Variants in SLC24A4 observed in about 807,000 individuals in gnomAD.
SLC24A4 encodes the protein solute carrier family 24 member 4.
In SLC24A4, 53 loss-of-function variants were observed where a neutral mutation model predicts 79.0. The ratio of observed to expected loss-of-function variants is 0.67; its 90% confidence interval spans 0.54 to 0.84. The LOEUF (loss-of-function observed/expected upper bound fraction) is 0.84, where lower values mean the gene tolerates loss of function less well. SLC24A4 is among the 40% of genes least tolerant of loss of function. SLC24A4 has a pLI of 0.00. For missense variants in SLC24A4, 731 were observed against 822.0 expected (o/e 0.89, Z 1.35); for synonymous variants, 323 against 323.8 (o/e 1.00, Z 0.03).
chr14:92,375,142 C>T (rs1888429412), intron 2 of SLC24A4, among the ~76,000 whole-genome samples: 1 of 152,234 alleles, frequency 6.6e-6, no homozygotes, highest in Non-Finnish European at 1.5e-5. Flanking sequence ...ATTGAGCCTG[C>T]TAGGATGAAG....
At position 92,499,450 on chromosome 14, in the gene SLC24A4, A is replaced by C. The variant is rs1896061208; in HGVS notation, c.*5822A>C. The C allele has an allele frequency of 6.6e-6, 1 of 152,030 alleles. No homozygotes were observed. Among genetic ancestry groups the C allele is most frequent in the Non-Finnish European group, 1.5e-5 (1 of 68,030 alleles). The allele number at this position is 152,030 out of a possible 1,614,324, so 9.4% of individuals were successfully genotyped here. A position where few individuals can be genotyped will look rare whatever the true frequency, so the allele number is the denominator to read the frequency against. Reference sequence around the variant, plus strand: ...CAGGTCTGGGAATTGGCTGCTTCTTAGTTATAACCCCAGTGACAAATGCTG... The same window carrying C: ...CAGGTCTGGGAATTGGCTGCTTCTTCGTTATAACCCCAGTGACAAATGCTG... On this transcript the variant is annotated 3_prime_UTR_variant, in exon 17 of 17. Coordinates refer to ENST00000532405, the MANE Select transcript of SLC24A4 (RefSeq NM_153646.4).
At chr14:92,393,404 T>A (rs2141742313) in intron 2 of SLC24A4, among the ~76,000 whole-genome samples, 1 of 152,292 alleles carries the variant, frequency 6.6e-6, no homozygotes. Flanking sequence ...TTCATTGTCC[T>A]TAGCGTGGTT....
At chr14:92,418,131 C>G (rs540109403) in intron 2 of SLC24A4, among the ~76,000 whole-genome samples, 2 of 152,318 alleles carry the variant, frequency 1.3e-5, no homozygotes, top group Admixed American at 1.3e-4. Flanking sequence ...GACTTCTTGC[C>G]TTGAGGCTAC....
Position 92,500,701 on chromosome 14 carries a change from G to C in SLC24A4, c.*7073G>C, listed in dbSNP as rs147620372. 1 of 152,492 alleles carries C rather than the reference G, an allele frequency of 6.6e-6. No individual in the cohort carries two copies. Among genetic ancestry groups the C allele is most frequent in the African/African-American group, 2.4e-5 (1 of 41,588 alleles). The allele number at this position is 152,492 out of a possible 1,614,324, so 9.4% of individuals were successfully genotyped here. On this transcript the variant is annotated 3_prime_UTR_variant, in exon 17 of 17. Transcript: ENST00000532405. ...AGCCACTGTGGCCAACTCTTGGGGA[G>C]CTCCACAGTGGGGGTTGCTGGTCTG... is the stretch of plus-strand genomic sequence containing the variant.
chr14:92,418,810 T>C, intron 2 of SLC24A4, among the ~76,000 whole-genome samples: 1 of 152,208 alleles, frequency 6.6e-6, no homozygotes, highest in East Asian at 1.9e-4. Flanking sequence ...CAAGTGATTC[T>C]CATGCATCAG....
chr14:92,492,269 C>G, intron 16 of SLC24A4, 29 bp downstream of exon 16: 1 of 1,596,550 alleles, frequency 6.3e-7, no homozygotes, highest in Non-Finnish European at 8.6e-7. Flanking sequence ...AAAACAGATG[C>G]CTCATGCATA....
At chr14:92,483,686 A>G (rs1327090842) in intron 13 of SLC24A4, 31 of 1,262,106 alleles carry the variant, frequency 2.5e-5, no homozygotes, top group Non-Finnish European at 2.9e-5. Context: ...CACTCTCTGT[A>G]TACCACCTAA....
chr14:92,473,434 T>A (rs771426885), intron 12 of SLC24A4, among the ~76,000 whole-genome samples: 4 of 152,202 alleles, frequency 2.6e-5, no homozygotes, highest in African/African-American at 2.4e-5. Context: ...GATTGCATGA[T>A]GAGCTCAGAA....
At chr14:92,433,836 A>AC in intron 2 of SLC24A4, 76 bp from the exon 3 acceptor site, 1 of 1,263,938 alleles carries the variant, frequency 7.9e-7, no homozygotes, top group Non-Finnish European at 1.2e-6. Context: ...TCCTTAGTGA[A>AC]CTCTCAGAAG....
chr14:92,466,323 C>T (rs540404925), intron 12 of SLC24A4, among the ~76,000 whole-genome samples: 1 of 152,330 alleles, frequency 6.6e-6, no homozygotes, highest in Non-Finnish European at 1.5e-5. Context: ...TTTGTTGGCT[C>T]ATTTTCAGTC....
At chr14:92,468,320 TA>T (rs1303645771) in intron 12 of SLC24A4, among the ~76,000 whole-genome samples, 1 of 152,202 alleles carries the variant, frequency 6.6e-6, no homozygotes, top group Admixed American at 6.5e-5. Context: ...CTTAACGTTT[TA>T]AAAATGATAA....
intron 14 of SLC24A4, 65 bp from the exon 15 acceptor site, chr14:92,491,600 G>A: frequency 9.1e-7 from 1 of 1,093,834 alleles, no homozygotes; most frequent in Non-Finnish European, 1.4e-6. Flanking sequence ...AGAACAGTTA[G>A]GAGAAAGAAT....
At chr14:92,412,114 A>G (rs988856055) in intron 2 of SLC24A4, among the ~76,000 whole-genome samples, 7 of 152,130 alleles carry the variant, frequency 4.6e-5, no homozygotes, top group Non-Finnish European at 8.8e-5. Context: ...TGAGATGTAC[A>G]AGCCTGCACT....
At chr14:92,417,428 G>A (rs185274274) in intron 2 of SLC24A4, among the ~76,000 whole-genome samples, 468 of 152,266 alleles carry the variant, frequency 3.1e-3, no homozygotes, top group African/African-American at 0.011. Context: ...TAAACTAAGT[G>A]CTATTAAAAG....
At chr14:92,399,590 G>C (rs1470162328) in intron 2 of SLC24A4, among the ~76,000 whole-genome samples, 1 of 152,154 alleles carries the variant, frequency 6.6e-6, no homozygotes, top group East Asian at 1.9e-4. Context: ...ATTGCTTTCT[G>C]GTTATGGCTG....
At chr14:92,337,166 G>C (rs1885860262) in intron 2 of SLC24A4, among the ~76,000 whole-genome samples, 1 of 152,108 alleles carries the variant, frequency 6.6e-6, no homozygotes, top group South Asian at 2.1e-4. Context: ...CTGGCCCAGG[G>C]GGAAGTTGGC....
intron 2 of SLC24A4, among the ~76,000 whole-genome samples, chr14:92,380,706 G>C (rs1305319910): frequency 6.6e-6 from 1 of 152,168 alleles, no homozygotes; most frequent in Non-Finnish European, 1.5e-5. Flanking sequence ...GGGCCAGCCA[G>C]CACCAGGACT....
chr14:92,356,425 G>A (rs1887185411), intron 2 of SLC24A4, among the ~76,000 whole-genome samples: 1 of 152,186 alleles, frequency 6.6e-6, no homozygotes, highest in African/African-American at 2.4e-5. Flanking sequence ...GTGCCACCAT[G>A]AGGACTGTGG....
rs377203584 is a variant in SLC24A4, at chr14:92,368,001, G to C, written c.241+42023G>C. On this transcript the variant is annotated intron_variant, in intron 2 of 16. Coordinates refer to ENST00000532405, the MANE Select transcript of SLC24A4 (RefSeq NM_153646.4). Reference sequence around the variant, plus strand: ...TACAAATAGTGAGCATGTGTCAAAGGCTTATTTAACTCATTAATGAGGGAA... The same window carrying C: ...TACAAATAGTGAGCATGTGTCAAAGCCTTATTTAACTCATTAATGAGGGAA... Among the ~76,000 whole-genome samples the C allele has an allele frequency of 7.2e-5, 11 of 152,324 alleles. No individual in the cohort carries two copies. In the East Asian group the frequency reaches 1.5e-3, roughly 21 times the overall value.
Sources: gnomAD v4.1 joint callset for allele counts (sites outside exome capture counted in the v4.1 genomes callset) on GRCh38, gnomAD v4.1.1 for gene constraint, MANE v1.5 for transcripts, NCBI Gene and HGNC (gene_info 2026-07-23, HGNC 2026-07-21) for gene names.